Variants in COBL observed in about 807,000 individuals in gnomAD.
The protein encoded by COBL is protein cordon-bleu.
Under a neutral mutation model 98.8 loss-of-function variants are expected in COBL, and 51 were observed. That is an observed-to-expected ratio of 0.52 (90% CI 0.41 to 0.65). The LOEUF (loss-of-function observed/expected upper bound fraction) is 0.65. COBL is among the 30% of genes least tolerant of loss of function. The pLI is 0.00. For synonymous variants in COBL, 634 were observed against 651.7 expected (o/e 0.97, Z 0.41); for missense variants, 1,617 against 1,617.5 (o/e 1.00, Z 0.01).
At chr7:51,158,823 G>A (rs1447730302) in intron 5 of COBL, among the ~76,000 whole-genome samples, 3 of 152,224 alleles carry the variant, frequency 2.0e-5, no homozygotes, top group Non-Finnish European at 2.9e-5. Context: ...TGAGCCAGGG[G>A]TGTCCATAGG....
At chr7:51,189,716 AAT>A (rs1789912260) in intron 4 of COBL, among the ~76,000 whole-genome samples, 1 of 152,238 alleles carries the variant, frequency 6.6e-6, no homozygotes, top group Non-Finnish European at 1.5e-5. Context: ...GAAAAACTTG[AAT>A]ATGTATATAT....
intron 7 of COBL, among the ~76,000 whole-genome samples, chr7:51,045,999 GGCCCGTGTGGCCTGGCCACA>G (rs1194359333): frequency 6.6e-6 from 1 of 152,180 alleles, no homozygotes; most frequent in East Asian, 1.9e-4. Flanking sequence ...ATCTTCCCAT[GGCCCGTGTGGCCTGGCCACA>G]GCCCTGCGAC....
At chr7:51,033,040 A>C (rs566916093) in intron 8 of COBL, 3 of 152,192 alleles carry the variant, frequency 2.0e-5, no homozygotes, top group African/African-American at 7.2e-5. Flanking sequence ...ACTATGAGAC[A>C]TGGAACATAA....
chr7:51,194,018 T>C (rs1790368587), intron 2 of COBL, among the ~76,000 whole-genome samples: 1 of 152,192 alleles, frequency 6.6e-6, no homozygotes. Flanking sequence ...ACTTGTGTCA[T>C]GGGGGCTTGT....
intron 1 of COBL, among the ~76,000 whole-genome samples, chr7:51,266,632 A>G (rs1798230984): frequency 6.6e-6 from 1 of 152,216 alleles, no homozygotes; most frequent in Non-Finnish European, 1.5e-5. Context: ...ACAAAGTGAG[A>G]AACGGCTTTT....
At chr7:51,149,663 G>C (rs746671062) in intron 5 of COBL, among the ~76,000 whole-genome samples, 1 of 152,164 alleles carries the variant, frequency 6.6e-6, no homozygotes, top group African/African-American at 2.4e-5. Flanking sequence ...CTGGAGTGCA[G>C]TGGCGCAACC....
At chr7:51,255,883 G>A (rs1797154682) in intron 1 of COBL, among the ~76,000 whole-genome samples, 2 of 152,120 alleles carry the variant, frequency 1.3e-5, no homozygotes, top group African/African-American at 4.8e-5. Flanking sequence ...CCCAGCCCCT[G>A]CTTTGTCCCT....
intron 6 of COBL, among the ~76,000 whole-genome samples, chr7:51,104,465 A>C (rs1796078380): frequency 6.6e-6 from 1 of 152,212 alleles, no homozygotes; most frequent in Non-Finnish European, 1.5e-5. Context: ...GTGATGGTGG[A>C]TAAGTTGCTT....
chr7:51,307,512 C>A (rs1802603031), intron 1 of COBL, among the ~76,000 whole-genome samples: 1 of 152,188 alleles, frequency 6.6e-6, no homozygotes, highest in Admixed American at 6.5e-5. Context: ...AGGCAAGTGG[C>A]TCTAATGCCA....
intron 1 of COBL, among the ~76,000 whole-genome samples, chr7:51,283,775 G>A (rs561922275): frequency 7.9e-5 from 12 of 151,938 alleles, no homozygotes; most frequent in African/African-American, 2.2e-4. Context: ...GTGAGCCACC[G>A]CATCTGGCCA....
chr7:51,023,933 T>G (rs1281948157), intron 12 of COBL, among the ~76,000 whole-genome samples: 1 of 152,164 alleles, frequency 6.6e-6, no homozygotes, highest in Non-Finnish European at 1.5e-5. Flanking sequence ...CCACTTTATA[T>G]AGAAAGTGAG....
chr7:51,235,664 T>C (rs1795192135), intron 1 of COBL, among the ~76,000 whole-genome samples: 1 of 152,178 alleles, frequency 6.6e-6, no homozygotes, highest in Non-Finnish European at 1.5e-5. Context: ...TCCCATTGGC[T>C]GGACAAAACC....
intron 1 of COBL, among the ~76,000 whole-genome samples, chr7:51,236,363 G>C (rs554629037): frequency 6.6e-6 from 1 of 152,254 alleles, no homozygotes; most frequent in East Asian, 1.9e-4. Flanking sequence ...ATTTTTCCAG[G>C]GGAGATGCAT....
chr7:51,260,043 C>A, intron 1 of COBL: 1 of 899,100 alleles, frequency 1.1e-6, no homozygotes, highest in South Asian at 1.3e-5. Flanking sequence ...TTTTCCTTTC[C>A]TCTGCTCCTT....
At chr7:51,234,469 G>A (rs796922594) in intron 1 of COBL, among the ~76,000 whole-genome samples, 1 of 152,328 alleles carries the variant, frequency 6.6e-6, no homozygotes, top group African/African-American at 2.4e-5. Context: ...GGGAGGCCTA[G>A]GCAGGCAAAT....
intron 2 of COBL, among the ~76,000 whole-genome samples, chr7:51,209,564 C>G (rs1792209519): frequency 6.6e-6 from 1 of 152,206 alleles, no homozygotes; most frequent in Admixed American, 6.5e-5. Flanking sequence ...TATGCACATG[C>G]AGACACGACA....
At chr7:51,089,090 C>A (rs188706552) in intron 6 of COBL, among the ~76,000 whole-genome samples, 1 of 152,156 alleles carries the variant, frequency 6.6e-6, no homozygotes, top group African/African-American at 2.4e-5. Context: ...GCTCGTTCCA[C>A]GGTCATGTGC....
intron 6 of COBL, among the ~76,000 whole-genome samples, chr7:51,085,595 A>G (rs1175901288): frequency 1.3e-5 from 2 of 152,228 alleles, no homozygotes; most frequent in African/African-American, 2.4e-5. Context: ...TAGGGACTCC[A>G]GGCAAGTCTG....
chr7:51,017,912 A>G (rs1395641149), intron 12 of COBL, among the ~76,000 whole-genome samples: 1 of 152,226 alleles, frequency 6.6e-6, no homozygotes, highest in African/African-American at 2.4e-5. Flanking sequence ...CCCTCTGCTC[A>G]GGTGTGCCTG....
Sources: gnomAD v4.1 joint callset for allele counts (sites outside exome capture counted in the v4.1 genomes callset) on GRCh38, gnomAD v4.1.1 for gene constraint, MANE v1.5 for transcripts, NCBI Gene and HGNC (gene_info 2026-07-23, HGNC 2026-07-21) for gene names.